RERG: variants seen among roughly 807,000 people sequenced by gnomAD.
RERG encodes RAS like estrogen regulated growth inhibitor.
In RERG, 25 loss-of-function variants were observed where a neutral mutation model predicts 23.2. The observed-to-expected ratio is 1.08, with a 90% CI of 0.79 to 1.50. The LOEUF (loss-of-function observed/expected upper bound fraction) is 1.50. RERG is among the 40% of genes most tolerant of loss of function. RERG has a pLI of 0.00. For synonymous variants in RERG, 81 were observed against 89.1 expected, an observed-to-expected ratio of 0.91 and a Z score of 0.51; for missense variants, 253 against 250.1, an observed-to-expected ratio of 1.01 and a Z score of -0.08.
At chr12:15,209,777 G>A (rs1467342648) in intron 2 of RERG, among the ~76,000 whole-genome samples, 1 of 152,114 alleles carries the variant, frequency 6.6e-6, no homozygotes, top group Non-Finnish European at 1.5e-5. Context: ...GAGAAGATGT[G>A]GAAAATAACT....
intron 2 of RERG, among the ~76,000 whole-genome samples, chr12:15,196,534 C>G (rs1317622623): frequency 6.6e-6 from 1 of 152,168 alleles, no homozygotes; most frequent in South Asian, 2.1e-4. Context: ...GAAGGTCAAT[C>G]AGGTCCTCAG....
intron 2 of RERG, chr12:15,155,252 G>A (rs1006719479): frequency 6.6e-6 from 1 of 152,164 alleles, no homozygotes; most frequent in African/African-American, 2.4e-5. Context: ...TGCCACCTGG[G>A]TAGGTGTGAC....
intron 2 of RERG, among the ~76,000 whole-genome samples, chr12:15,141,470 C>T (rs1262779615): frequency 2.0e-5 from 3 of 152,146 alleles, no homozygotes; most frequent in Non-Finnish European, 4.4e-5. Flanking sequence ...TTATTTCTAG[C>T]ATAATATCCT....
At chr12:15,197,476 C>T (rs1265967702) in intron 2 of RERG, among the ~76,000 whole-genome samples, 1 of 152,140 alleles carries the variant, frequency 6.6e-6, no homozygotes, top group East Asian at 1.9e-4. Flanking sequence ...GGTACCAGCT[C>T]TGCCACTTAG....
chr12:15,208,258 G>T (rs1865319940), intron 2 of RERG, among the ~76,000 whole-genome samples: 1 of 152,170 alleles, frequency 6.6e-6, no homozygotes, highest in Admixed American at 6.5e-5. Context: ...GAATGTGTGT[G>T]TGTGTGTATT....
chr12:15,133,718 CTG>C (rs1325297346), intron 2 of RERG, among the ~76,000 whole-genome samples: 4 of 132,832 alleles, frequency 3.0e-5, no homozygotes, highest in African/African-American at 5.6e-5. Context: ...CCAGCAATGA[CTG>C]AGAGGTTTTT....
chr12:15,176,705 C>T (rs1448704908), intron 2 of RERG, among the ~76,000 whole-genome samples: 1 of 152,130 alleles, frequency 6.6e-6, no homozygotes, highest in Middle Eastern at 3.4e-3. Flanking sequence ...TCTGAAAATA[C>T]CCAAAAAAGC....
chr12:15,162,127 A>C (rs1254607377), intron 2 of RERG, among the ~76,000 whole-genome samples: 1 of 152,220 alleles, frequency 6.6e-6, no homozygotes, highest in Non-Finnish European at 1.5e-5. Context: ...TGAATCTCTT[A>C]TGAATTTCAG....
chr12:15,212,129 G>A (rs1448435996), intron 2 of RERG, among the ~76,000 whole-genome samples: 1 of 140,038 alleles, frequency 7.1e-6, no homozygotes, highest in Non-Finnish European at 1.5e-5. Flanking sequence ...GCGGAATCTC[G>A]GCTCACTGCA....
intron 2 of RERG, among the ~76,000 whole-genome samples, chr12:15,201,719 A>G (rs1334728801): frequency 6.6e-6 from 1 of 150,784 alleles, no homozygotes; most frequent in Non-Finnish European, 1.5e-5. Context: ...AGTAATAATT[A>G]GTGTTAGTAA....
At chr12:15,161,223 A>C (rs1013408887) in intron 2 of RERG, among the ~76,000 whole-genome samples, 1 of 122,682 alleles carries the variant, frequency 8.2e-6, no homozygotes, top group Non-Finnish European at 1.9e-5. Context: ...AGAAAGAAAG[A>C]AAGAAACAGG....
rs1224085397 is a variant in RERG, at chr12:15,126,716, T to TTTTC, written c.62-5601_62-5598dup. On this transcript the variant is annotated intron_variant, in intron 2 of 4. Transcript: ENST00000256953. ...ATATCCAGATAGCATTTCTTTTTCTTTTTCTTTCTTTTTTTTTTTTTTTTG... is the reference window on the plus strand; with the variant it reads ...ATATCCAGATAGCATTTCTTTTTCTTTTTCTTTCTTTCTTTTTTTTTTTTTTTTG... Among the ~76,000 whole-genome samples the TTTTC allele has an allele frequency of 9.8e-3, 1,200 of 122,084 alleles. 24 individuals carry two copies. The highest frequency in any genetic ancestry group is 0.033 in the African/African-American group (1,120 of 33,950). The allele number at this position is 122,084 out of a possible 152,430, so 80.1% of individuals were successfully genotyped here.
intron 3 of RERG, among the ~76,000 whole-genome samples, chr12:15,113,361 A>G (rs941554995): frequency 1.3e-5 from 2 of 152,184 alleles, no homozygotes; most frequent in African/African-American, 2.4e-5. Flanking sequence ...TTGAAAAGAT[A>G]TAAAAAGAGG....
intron 2 of RERG, among the ~76,000 whole-genome samples, chr12:15,126,129 A>ATATATATATATG (rs1491456711): frequency 1.1e-4 from 3 of 27,996 alleles, no homozygotes; most frequent in African/African-American, 5.4e-4. Context: ...TGTATATACC[A>ATATATATATATG]TATATATATA....
intron 2 of RERG, among the ~76,000 whole-genome samples, chr12:15,204,724 G>A (rs1461632036): frequency 1.3e-5 from 2 of 151,462 alleles, no homozygotes; most frequent in Non-Finnish European, 3.0e-5. Flanking sequence ...AGCATTTATG[G>A]CCTGAAAAAA....
intron 2 of RERG, among the ~76,000 whole-genome samples, chr12:15,143,322 GTGTA>G (rs975736187): frequency 5.1e-5 from 1 of 19,760 alleles, no homozygotes; most frequent in African/African-American, 1.4e-4. Context: ...ACACACACGT[GTGTA>G]TGTAAATATA....
intron 2 of RERG, among the ~76,000 whole-genome samples, chr12:15,160,511 TTTG>T (rs1864588737): frequency 6.6e-6 from 1 of 152,196 alleles, no homozygotes; most frequent in African/African-American, 2.4e-5. Context: ...TAGCCTTAGA[TTTG>T]TTAACCTTTC....
chr12:15,154,929 T>G (rs1864500173), intron 2 of RERG, among the ~76,000 whole-genome samples: 1 of 152,178 alleles, frequency 6.6e-6, no homozygotes, highest in South Asian at 2.1e-4. Context: ...ATATTTTCAT[T>G]TTTTAAAATG....
rs570867276 is a variant in RERG, at chr12:15,169,083, G to A, written c.62-47964C>T. On this transcript the variant is annotated intron_variant, in intron 2 of 4. Transcript: ENST00000256953. ...ATCCCAAGGTAAGAAAATAAAACAC[G>A]TTCTCATTGGTTTGCCAGTGAAATG... 1.7e-3 allele frequency among the ~76,000 whole-genome samples: 258 copies of A among 152,266 alleles called. 4 individuals carry two copies. The South Asian group carries it at 0.051, about 30-fold the overall frequency.
Sources: gnomAD v4.1 joint callset for allele counts (sites outside exome capture counted in the v4.1 genomes callset) on GRCh38, gnomAD v4.1.1 for gene constraint, MANE v1.5 for transcripts, NCBI Gene and HGNC (gene_info 2026-07-23, HGNC 2026-07-21) for gene names.